The following PLCB1 variants were observed in gnomAD, a reference collection of about 807,000 sequenced individuals.
The protein encoded by PLCB1 is 1-phosphatidylinositol 4,5-bisphosphate phosphodiesterase beta-1.
In PLCB1, 46 loss-of-function variants were observed where a neutral mutation model predicts 161.8. That is an observed-to-expected ratio of 0.28 (90% confidence interval 0.22 to 0.36). PLCB1 has a LOEUF of 0.36. Ranked by LOEUF, PLCB1 falls within the 10% of genes least tolerant of loss-of-function variation. The pLI is 1.00. For missense variants in PLCB1, 1,016 were observed against 1,472.5 expected (o/e 0.69, Z 5.07); for synonymous variants, 517 against 503.7 (o/e 1.03, Z -0.35).
chr20:8,804,666 C>T (rs1412454561), intron 31 of PLCB1, among the ~76,000 whole-genome samples: 1 of 152,036 alleles, frequency 6.6e-6, no homozygotes, highest in East Asian at 1.9e-4. Context: ...TCATACACTA[C>T]AGCTGAAAAC....
At chr20:8,428,659 A>G (rs1282607537) in intron 3 of PLCB1, among the ~76,000 whole-genome samples, 1 of 152,204 alleles carries the variant, frequency 6.6e-6, no homozygotes. Flanking sequence ...TTTCACTGCA[A>G]AGGCATTTTA....
intron 2 of PLCB1, among the ~76,000 whole-genome samples, chr20:8,324,156 T>C (rs1332327850): frequency 6.6e-6 from 1 of 152,058 alleles, no homozygotes; most frequent in Non-Finnish European, 1.5e-5. Context: ...TTTAAAATTA[T>C]GAACAGAACT....
chr20:8,279,204 C>T (rs537041007), intron 2 of PLCB1, among the ~76,000 whole-genome samples: 5 of 152,066 alleles, frequency 3.3e-5, no homozygotes, highest in Non-Finnish European at 5.9e-5. Flanking sequence ...ACTTGTATGC[C>T]AGTGTTCCTA....
At chr20:8,774,257 A>G (rs1982833741) in intron 26 of PLCB1, among the ~76,000 whole-genome samples, 1 of 71,208 alleles carries the variant, frequency 1.4e-5, no homozygotes, top group Non-Finnish European at 3.1e-5. Context: ...CCAAACGGAG[A>G]TTATTATTCT....
intron 2 of PLCB1, among the ~76,000 whole-genome samples, chr20:8,206,506 T>C (rs1473783159): frequency 6.6e-6 from 1 of 152,242 alleles, no homozygotes; most frequent in East Asian, 1.9e-4. Flanking sequence ...GACTTGGAAA[T>C]TAATAGTCTT....
At chr20:8,321,182 G>A (rs545733508) in intron 2 of PLCB1, among the ~76,000 whole-genome samples, 3 of 152,204 alleles carry the variant, frequency 2.0e-5, no homozygotes, top group East Asian at 1.9e-4. Flanking sequence ...AAAAGACAGC[G>A]TGCAATACTC....
chr20:8,666,506 T>C (rs984710156), intron 9 of PLCB1, among the ~76,000 whole-genome samples: 1 of 152,218 alleles, frequency 6.6e-6, no homozygotes, highest in African/African-American at 2.4e-5. Flanking sequence ...CACGAAGCCC[T>C]GGCCAGTGGC....
Position 8,722,435 on chromosome 20 carries a change from G to T in PLCB1, c.1581+14G>T, listed in dbSNP as rs767257250. The T allele has an allele frequency of 6.3e-7, 1 of 1,597,440 alleles. No individual in the cohort carries two copies. Among genetic ancestry groups the T allele is most frequent in the Non-Finnish European group, 8.5e-7 (1 of 1,170,520 alleles). ...TCAATGGATGAGGTGGGTACTTAGG[G>T]CTTCTGGTCCCTAAGGCATTCCACC... On this transcript the variant is annotated intron_variant, in intron 15 of 31. Transcript: ENST00000338037.
intron 2 of PLCB1, among the ~76,000 whole-genome samples, chr20:8,196,664 A>ATATATATATATATATAT (rs397786544): frequency 2.6e-4 from 39 of 149,622 alleles, no homozygotes; most frequent in Admixed American, 8.0e-4. Flanking sequence ...ATATATATAT[A>ATATATATATATATATAT]AAATATATAT....
chr20:8,858,868 T>C (rs796697798), intron 31 of PLCB1, among the ~76,000 whole-genome samples: 15 of 150,762 alleles, frequency 9.9e-5, no homozygotes, highest in East Asian at 3.9e-4. Flanking sequence ...TTCCCAACTC[T>C]TGTTCTTAGG....
At chr20:8,269,866 C>A (rs1339315154) in intron 2 of PLCB1, among the ~76,000 whole-genome samples, 2 of 151,408 alleles carry the variant, frequency 1.3e-5, no homozygotes, top group African/African-American at 4.9e-5. Context: ...TGTAAACATT[C>A]TTTATTTGTG....
intron 3 of PLCB1, among the ~76,000 whole-genome samples, chr20:8,581,569 A>T (rs976953681): frequency 6.6e-6 from 1 of 152,162 alleles, no homozygotes; most frequent in African/African-American, 2.4e-5. Flanking sequence ...AACAGTTACT[A>T]TGGGAAATCA....
chr20:8,751,085 A>T, intron 23 of PLCB1: 1 of 210,742 alleles, frequency 4.7e-6, no homozygotes, highest in African/African-American at 2.4e-5. Flanking sequence ...ACAGGCGCCC[A>T]CCACCAAGCC....
intron 3 of PLCB1, among the ~76,000 whole-genome samples, chr20:8,616,434 G>A (rs984543884): frequency 6.6e-6 from 1 of 152,114 alleles, no homozygotes; most frequent in African/African-American, 2.4e-5. Flanking sequence ...TCATATGCTT[G>A]TTTAGGGAAG....
chr20:8,719,166 G>A (rs1324523037), intron 14 of PLCB1, among the ~76,000 whole-genome samples: 1 of 152,172 alleles, frequency 6.6e-6, no homozygotes, highest in Admixed American at 6.5e-5. Context: ...GGGTGATTAA[G>A]TGGAAGAAAC....
intron 3 of PLCB1, among the ~76,000 whole-genome samples, chr20:8,452,446 G>A (rs1318371524): frequency 1.3e-5 from 2 of 152,182 alleles, no homozygotes; most frequent in Non-Finnish European, 2.9e-5. Context: ...TGTCATCAAG[G>A]TCTTCCTATG....
intron 3 of PLCB1, among the ~76,000 whole-genome samples, chr20:8,525,659 G>A (rs893720603): frequency 1.3e-5 from 2 of 152,090 alleles, no homozygotes; most frequent in African/African-American, 2.4e-5. Flanking sequence ...AATTGGTTGT[G>A]TTGTTGTCAA....
At chr20:8,649,583 T>C in intron 7 of PLCB1, 134 bp downstream of exon 7, 1 of 655,394 alleles carries the variant, frequency 1.5e-6, no homozygotes, top group East Asian at 2.6e-5. Context: ...GATTAATGGG[T>C]TAATGAATTA....
chr20:8,812,117 G>A (rs913466925), intron 31 of PLCB1, among the ~76,000 whole-genome samples: 1 of 152,108 alleles, frequency 6.6e-6, no homozygotes, highest in Non-Finnish European at 1.5e-5. Flanking sequence ...GATCTGGGGG[G>A]CTAGAGCCTT....
Sources: allele counts gnomAD v4.1 joint callset (sites outside exome capture counted in the v4.1 genomes callset), GRCh38; gene constraint gnomAD v4.1.1; transcripts MANE v1.5; gene names NCBI Gene and HGNC (gene_info 2026-07-23, HGNC 2026-07-21).